The following PCDHA7 variants were observed in gnomAD, a reference collection of about 807,000 sequenced individuals.
PCDHA7 encodes the protein protocadherin alpha 7.
In PCDHA7, 37 loss-of-function variants were observed where a neutral mutation model predicts 57.2. The observed-to-expected ratio is 0.65, with a 90% CI of 0.50 to 0.85. PCDHA7 has a LOEUF of 0.85. Among genes scored for constraint, PCDHA7 ranks in the 40% least tolerant of loss-of-function variants. PCDHA7 has a pLI of 0.00. For synonymous variants in PCDHA7, 553 were observed against 558.8 expected (o/e 0.99, Z 0.15); for missense variants, 1,188 against 1,241.8 (o/e 0.96, Z 0.65).
At chr5:140,990,740 G>A (rs76434886) in intron 3 of PCDHA7, among the ~76,000 whole-genome samples, 1 of 152,170 alleles carries the variant, frequency 6.6e-6, no homozygotes, top group African/African-American at 2.4e-5. Flanking sequence ...AACAGCCCTA[G>A]GGTGGATACC....
intron 1 of PCDHA7, among the ~76,000 whole-genome samples, chr5:140,974,827 G>A (rs1356890991): frequency 6.6e-6 from 1 of 152,182 alleles, no homozygotes; most frequent in Admixed American, 6.5e-5. Flanking sequence ...GCAACATAAT[G>A]ATTATTTTAA....
rs1554262808 is a variant in PCDHA7, at chr5:141,010,232, A to T, written c.*295A>T. On this transcript the variant is annotated 3_prime_UTR_variant, in exon 4 of 4. Coordinates refer to ENST00000525929, the MANE Select transcript of PCDHA7 (RefSeq NM_018910.3). ...AAAGGAGAGGCTTCCCAGCCCCGCC[A>T]GTGAGAGGTTGGACTCTCTGCCCTG... 6.4e-7 allele frequency: 1 copy of T among 1,551,952 alleles called. No homozygotes were observed. The highest frequency in any genetic ancestry group is 2.0e-5 in the Admixed American group (1 of 51,018).
rs141258804 is a variant in PCDHA7, at chr5:140,857,118, C to T, written c.2355+20380C>T. ...GTGATTGTCACTTCTCTGTCTCTCC[C>T]AGTGAAAGAAGATGCTCAAGTGGGC... On this transcript the variant is annotated intron_variant, in intron 1 of 3. Transcript: ENST00000525929. 2.7e-5 allele frequency: 43 copies of T among 1,597,878 alleles called. 6 individuals are homozygous for T. Among genetic ancestry groups the T allele is most frequent in the Non-Finnish European group, 3.3e-5 (38 of 1,167,604 alleles).
intron 1 of PCDHA7, among the ~76,000 whole-genome samples, chr5:140,961,780 C>T (rs1192795559): frequency 6.6e-6 from 1 of 152,052 alleles, no homozygotes; most frequent in African/African-American, 2.4e-5. Flanking sequence ...AGCTTAATGG[C>T]ACTTTTTAAA....
chr5:140,851,291 C>A, intron 1 of PCDHA7: 1 of 1,030,836 alleles, frequency 9.7e-7, no homozygotes, highest in Non-Finnish European at 1.2e-6. Context: ...GAAACCCAAG[C>A]AAAAATATAT....
chr5:140,871,427 T>C (rs782140666), intron 1 of PCDHA7: 1 of 1,613,326 alleles, frequency 6.2e-7, no homozygotes, highest in South Asian at 1.1e-5. Context: ...AGCCCCAGTC[T>C]TCCTCTAGGT....
At chr5:140,836,830 GAT>G in intron 1 of PCDHA7, 92 bp downstream of exon 1, 1 of 945,180 alleles carries the variant, frequency 1.1e-6, no homozygotes, top group Non-Finnish European at 1.6e-6. Flanking sequence ...TTTTTTAGTT[GAT>G]AGCTTTATGT....
At chr5:140,952,180 T>C (rs1034052117) in intron 1 of PCDHA7, among the ~76,000 whole-genome samples, 4 of 151,968 alleles carry the variant, frequency 2.6e-5, no homozygotes, top group Admixed American at 2.0e-4. Context: ...CTGCAGCTGC[T>C]CTCATGGGTT....
intron 3 of PCDHA7, 75 bp from the exon 4 acceptor site, chr5:141,009,552 C>T: frequency 6.4e-7 from 1 of 1,562,176 alleles, no homozygotes; most frequent in Non-Finnish European, 8.7e-7. Context: ...TGCAGTACTC[C>T]TGTACTCTAC....
chr5:140,869,010 T>C (rs919333995), intron 1 of PCDHA7: 3 of 1,523,768 alleles, frequency 2.0e-6, no homozygotes, highest in African/African-American at 2.8e-5. Flanking sequence ...CCTTTGAAAC[T>C]TCTTAAGAAT....
rs1453798087 is a variant in PCDHA7 at position 140,849,691 on chromosome 5, C to T, written c.2355+12953C>T. Reference sequence around the variant, plus strand: ...CCCCACGTCCCCTTCAAGCTGGTGTCCACCTACAAGAATTACTACTCGTTG... The same window carrying T: ...CCCCACGTCCCCTTCAAGCTGGTGTTCACCTACAAGAATTACTACTCGTTG... On this transcript the variant is annotated intron_variant, in intron 1 of 3. Transcript: ENST00000525929. 1.3e-6 allele frequency: 2 copies of T among 1,598,536 alleles called. No individual in the cohort carries two copies. The highest frequency in any genetic ancestry group is 2.2e-5 in the South Asian group (2 of 90,552).
chr5:140,853,313 T>C lies in PCDHA7; in HGVS notation c.2355+16575T>C, dbSNP rs1581310278. The C allele has an allele frequency of 3.0e-6, 3 of 984,212 alleles. 1 individual carries two copies. Among genetic ancestry groups the C allele is most frequent in the Non-Finnish European group, 1.2e-6 (1 of 816,620 alleles). 61.0% of individuals were successfully genotyped at this position (984,212 alleles called of 1,614,324 possible). A position where few individuals can be genotyped will look rare whatever the true frequency, so the allele number is the denominator to read the frequency against. On this transcript the variant is annotated intron_variant, in intron 1 of 3. Transcript: ENST00000525929. ...CTCAGAAGGGCTGTGAACACCTTAG[T>C]AATAAATTTATCTTTTGAGGTCATT...
chr5:140,926,209 T>A (rs553307318), intron 1 of PCDHA7, among the ~76,000 whole-genome samples: 1 of 152,028 alleles, frequency 6.6e-6, no homozygotes, highest in African/African-American at 2.4e-5. Context: ...GGGGGGCTCC[T>A]GTTTCCTTAA....
rs1404155432 is a variant in PCDHA7, at chr5:140,836,668, A to G, written c.2285A>G (p.Glu762Gly). ...AGGCGGCAGAGGGTGTGCTCTGGGG[A>G]GGGCCCACCCAAGACAGACCTCATG... is the stretch of plus-strand genomic sequence containing the variant. ...QQRRQRVCSG[E>G]GPPKTDLMAF... Residue 762 changes from glutamate to glycine, a missense_variant, in exon 1 of 4, where the codon GAG (glutamate) becomes GGG (glycine). Around this residue, in one of 3 missense-constraint regions of PCDHA7, gnomAD observed 892 missense variants for 788.5 expected, o/e 1.13. Coordinates refer to ENST00000525929, the MANE Select transcript of PCDHA7 (RefSeq NM_018910.3). The G allele has an allele frequency of 3.1e-6, 5 of 1,613,218 alleles. No homozygotes were observed. The highest frequency in any genetic ancestry group is 4.5e-5 in the East Asian group (2 of 44,852).
intron 1 of PCDHA7, chr5:140,928,185 C>CA: frequency 1.2e-6 from 2 of 1,614,184 alleles, no homozygotes; most frequent in Non-Finnish European, 1.7e-6. Context: ...GAAGGACAAT[C>CA]ACTGTGTCAG....
chr5:140,848,365 A>T, intron 1 of PCDHA7: 1 of 1,070,202 alleles, frequency 9.3e-7, no homozygotes, highest in Non-Finnish European at 1.4e-6. Flanking sequence ...CATGGGAAAG[A>T]GGCTCAATTC....
At chr5:140,871,934 C>T (rs2053394158) in intron 1 of PCDHA7, among the ~76,000 whole-genome samples, 1 of 152,222 alleles carries the variant, frequency 6.6e-6, no homozygotes, top group Non-Finnish European at 1.5e-5. Flanking sequence ...GTTAGATCAA[C>T]TGGCTTTGTT....
intron 1 of PCDHA7, chr5:140,884,247 C>T: frequency 6.2e-7 from 1 of 1,613,398 alleles, no homozygotes. Context: ...CCCGCGCTGA[C>T]GGCCACGGCA....
At chr5:140,913,212 T>G (rs113766408) in intron 1 of PCDHA7, among the ~76,000 whole-genome samples, 11,533 of 152,278 alleles carry the variant, frequency 0.076, 607 homozygotes, top group Non-Finnish European at 0.12. Flanking sequence ...AGCCAATGGG[T>G]CCCAGGCTTT....
Sources: gnomAD v4.1 joint callset for allele counts (sites outside exome capture counted in the v4.1 genomes callset) on GRCh38, gnomAD v4.1.1 for gene constraint, gnomAD v4.1.1 regional missense constraint, MANE v1.5 for transcripts, NCBI Gene and HGNC (gene_info 2026-07-23, HGNC 2026-07-21) for gene names.